Variants in HTR2A observed in about 807,000 individuals in gnomAD.
HTR2A encodes the protein 5-HT2 receptor.
Under a neutral mutation model 31.0 loss-of-function variants are expected in HTR2A, and 14 were observed. The ratio of observed to expected loss-of-function variants is 0.45; its 90% CI spans 0.30 to 0.71. HTR2A has a LOEUF of 0.71. Ranked by LOEUF, HTR2A falls within the 30% of genes least tolerant of loss-of-function variation. The pLI, the probability that HTR2A is intolerant of heterozygous loss-of-function variation, is 0.09. For synonymous variants in HTR2A, 209 were observed against 225.2 expected, an observed-to-expected ratio of 0.93 and a Z score of 0.64; for missense variants, 442 against 573.3, an observed-to-expected ratio of 0.77 and a Z score of 2.34.
At position 46,896,756 on chromosome 13, in the gene HTR2A, AG is replaced by A. The variant is rs1212390813; in HGVS notation, c.-412del. ...TCTCACAGTAATTAAACTGGTGTAG[AG>A]TCCCCTCTTCTTGATCTTCCACCAG... On this transcript the variant is annotated 5_prime_UTR_variant, in exon 1 of 4. The change abolishes the stop of an existing upstream ORF in the 5' untranslated region. Transcript: ENST00000542664. 1 of 1,535,610 alleles carries A rather than the reference AG, an allele frequency of 6.5e-7. No homozygotes were observed. The highest frequency in any genetic ancestry group is 2.0e-5 in the Admixed American group (1 of 50,968).
intron 3 of HTR2A, among the ~76,000 whole-genome samples, chr13:46,849,156 C>T (rs1923886): frequency 0.64 from 97,072 of 152,126 alleles, 33,321 homozygotes; most frequent in African/African-American, 0.91. Flanking sequence ...TATCCAGATA[C>T]ACAGCTTAAA....
intron 3 of HTR2A, among the ~76,000 whole-genome samples, chr13:46,863,630 G>GAAAAAAAAAAAAAAAAAAAAAAAAAA (rs59693757): frequency 3.4e-5 from 2 of 59,254 alleles, no homozygotes; most frequent in African/African-American, 6.9e-5. Flanking sequence ...CCCTCAAAAT[G>GAAAAAAAAAAAAAAAAAAAAAAAAAA]AAAAAAAAAA....
upstream of HTR2A, among the ~76,000 whole-genome samples, chr13:46,898,048 G>A (rs1311528996): frequency 6.6e-6 from 1 of 152,042 alleles, no homozygotes; most frequent in African/African-American, 2.4e-5. Flanking sequence ...CTTCGTCTCC[G>A]GTGCTACCTC....
rs190477774 is a variant in HTR2A, at chr13:46,849,092, G to A, written c.614-13453C>T. ...TTACACCGTCACACTAGGACTCTGG[G>A]TTGCACTCGCTCACCCCCCACCTTT... On this transcript the variant is annotated intron_variant, in intron 3 of 3. Transcript: ENST00000542664. 1.3e-3 allele frequency among the ~76,000 whole-genome samples: 192 copies of A among 152,198 alleles called. 1 individual carries two copies. The highest frequency in any genetic ancestry group is 4.5e-3 in the African/African-American group (187 of 41,530).
intron 3 of HTR2A, among the ~76,000 whole-genome samples, chr13:46,850,633 T>C (rs1248598586): frequency 2.6e-5 from 4 of 152,194 alleles, no homozygotes; most frequent in Admixed American, 2.6e-4. Flanking sequence ...GGCTCTTAGA[T>C]CCGGAGCCTG....
At chr13:46,845,486 T>C (rs1950634306) in intron 3 of HTR2A, among the ~76,000 whole-genome samples, 1 of 152,128 alleles carries the variant, frequency 6.6e-6, no homozygotes, top group African/African-American at 2.4e-5. Flanking sequence ...CCTCTATCTA[T>C]GATAGCAATC....
chr13:46,877,911 G>T (rs1950928126), intron 3 of HTR2A, among the ~76,000 whole-genome samples: 1 of 152,062 alleles, frequency 6.6e-6, no homozygotes, highest in Non-Finnish European at 1.5e-5. Context: ...AAATGAAAGT[G>T]TGGGAGTGAA....
chr13:46,841,564 C>T (rs1257867946), intron 3 of HTR2A, among the ~76,000 whole-genome samples: 1 of 151,824 alleles, frequency 6.6e-6, no homozygotes, highest in Non-Finnish European at 1.5e-5. Flanking sequence ...AATATAAATG[C>T]CCAGGCACTA....
intron 3 of HTR2A, among the ~76,000 whole-genome samples, chr13:46,870,053 C>A (rs997249197): frequency 3.9e-5 from 6 of 152,086 alleles, no homozygotes; most frequent in African/African-American, 1.4e-4. Context: ...ATGGCAAATT[C>A]TCTATTATAT....
chr13:46,877,285 A>G (rs1221977730), intron 3 of HTR2A, among the ~76,000 whole-genome samples: 2 of 152,212 alleles, frequency 1.3e-5, no homozygotes, highest in African/African-American at 2.4e-5. Flanking sequence ...AGAAATCTCA[A>G]AATCTGAAAC....
At chr13:46,882,164 T>C (rs779242970) in intron 3 of HTR2A, among the ~76,000 whole-genome samples, 7 of 151,786 alleles carry the variant, frequency 4.6e-5, no homozygotes, top group East Asian at 1.9e-4. Context: ...CCAAGTATAG[T>C]AGTTTTTGGG....
intron 3 of HTR2A, among the ~76,000 whole-genome samples, chr13:46,860,428 G>A (rs979925329): frequency 4.6e-5 from 7 of 152,222 alleles, no homozygotes; most frequent in African/African-American, 1.7e-4. Flanking sequence ...GAACGTGTTT[G>A]TGTCAGGGTT....
intron 3 of HTR2A, among the ~76,000 whole-genome samples, chr13:46,858,348 G>C (rs1350761054): frequency 1.3e-5 from 2 of 152,122 alleles, no homozygotes; most frequent in Non-Finnish European, 2.9e-5. Context: ...TGCCTTGAAG[G>C]ATGAAGAGTA....
rs936871693 is a variant in HTR2A at position 46,831,855 on chromosome 13, C to T, written c.*2982G>A. ...TTTCCCTAATTATGGCAGTTAATTG[C>T]TTTTTTTTGAATATAGAGGAATCTA... On this transcript the variant is annotated 3_prime_UTR_variant, in exon 4 of 4. Coordinates refer to ENST00000542664, the MANE Select transcript of HTR2A (RefSeq NM_000621.5). 1.2e-4 allele frequency: 19 copies of T among 152,054 alleles called. No homozygotes were observed. The highest frequency in any genetic ancestry group is 2.4e-4 in the Non-Finnish European group (16 of 67,958). The allele number at this position is 152,054 out of a possible 1,614,324, so 9.4% of individuals were successfully genotyped here. A position where few individuals can be genotyped will look rare whatever the true frequency, so the allele number is the denominator to read the frequency against.
chr13:46,896,602 T>G, intron 1 of HTR2A, 72 bp downstream of exon 1: 3 of 1,107,266 alleles, frequency 2.7e-6, no homozygotes, highest in Non-Finnish European at 3.8e-6. Flanking sequence ...AATGATTACA[T>G]GTTGGCCAAG....
At chr13:46,844,097 T>C (rs1419615196) in intron 3 of HTR2A, among the ~76,000 whole-genome samples, 1 of 152,210 alleles carries the variant, frequency 6.6e-6, no homozygotes, top group African/African-American at 2.4e-5. Flanking sequence ...GTTCACACTT[T>C]CAATATCTTA....
chr13:46,887,820 T>C (rs551898985), intron 3 of HTR2A, among the ~76,000 whole-genome samples: 1 of 151,846 alleles, frequency 6.6e-6, no homozygotes, highest in African/African-American at 2.4e-5. Flanking sequence ...AATGTAGAAG[T>C]GTTTAACACT....
intron 3 of HTR2A, among the ~76,000 whole-genome samples, chr13:46,883,119 A>C (rs989974874): frequency 1.3e-5 from 2 of 152,238 alleles, no homozygotes; most frequent in African/African-American, 4.8e-5. Context: ...ACATGAAGCG[A>C]TGCTAAAACC....
At chr13:46,881,341 C>A (rs1312694514) in intron 3 of HTR2A, among the ~76,000 whole-genome samples, 2 of 152,144 alleles carry the variant, frequency 1.3e-5, no homozygotes. Context: ...TCCAGCACTG[C>A]CATACTCTAG....
Sources: gnomAD v4.1 joint callset for allele counts (sites outside exome capture counted in the v4.1 genomes callset) on GRCh38, gnomAD v4.1.1 for gene constraint, MANE v1.5 for transcripts, NCBI Gene and HGNC (gene_info 2026-07-23, HGNC 2026-07-21) for gene names.